Variants in EDAR observed in about 807,000 individuals in gnomAD.
EDAR encodes tumor necrosis factor receptor superfamily member EDAR.
EDAR carries 38 observed loss-of-function variants against 51.3 expected under a neutral mutation model. That is an observed-to-expected ratio of 0.74 (90% CI 0.57 to 0.97). The LOEUF (loss-of-function observed/expected upper bound fraction) is 0.97, where lower values mean the gene tolerates loss of function less well. Ranked by LOEUF, EDAR falls within the 50% of genes least tolerant of loss-of-function variation. EDAR has a pLI of 0.00. For missense variants in EDAR, 528 were observed against 595.0 expected (o/e 0.89, Z 1.17); for synonymous variants, 227 against 242.1 (o/e 0.94, Z 0.58).
At chr2:108,975,316 G>GTGTCTTCTA (rs1323523475) in intron 1 of EDAR, among the ~76,000 whole-genome samples, 2 of 152,228 alleles carry the variant, frequency 1.3e-5, no homozygotes, top group African/African-American at 4.8e-5. Context: ...GTTCCCACCC[G>GTGTCTTCTA]TGTCTTCTAT....
intron 11 of EDAR, among the ~76,000 whole-genome samples, chr2:108,902,899 C>T (rs1193641965): frequency 6.6e-6 from 1 of 151,982 alleles, no homozygotes; most frequent in Non-Finnish European, 1.5e-5. Context: ...AAGGTATAGC[C>T]AGTGCAATAA....
At chr2:108,965,113 C>CTG (rs58651047) in intron 1 of EDAR, among the ~76,000 whole-genome samples, 3 of 151,388 alleles carry the variant, frequency 2.0e-5, no homozygotes, top group Non-Finnish European at 2.9e-5. Flanking sequence ...ATGTGTGTGT[C>CTG]TGTGTGTGTG....
At chr2:108,980,512 A>T (rs1258719674) in intron 1 of EDAR, among the ~76,000 whole-genome samples, 1 of 152,140 alleles carries the variant, frequency 6.6e-6, no homozygotes, top group Admixed American at 6.5e-5. Context: ...TTATGTGTGT[A>T]TGTATATATT....
chr2:108,907,077 C>A (rs538328115), intron 10 of EDAR, among the ~76,000 whole-genome samples: 3 of 152,366 alleles, frequency 2.0e-5, no homozygotes, highest in African/African-American at 7.2e-5. Context: ...CTCTGGCCAC[C>A]TTTGCCCTCA....
At chr2:108,949,203 T>C (rs1697775310) in intron 1 of EDAR, among the ~76,000 whole-genome samples, 1 of 152,122 alleles carries the variant, frequency 6.6e-6, no homozygotes, top group Admixed American at 6.6e-5. Context: ...ACTGGTGGTG[T>C]ACTCCTGAGC....
At chr2:108,971,456 A>G (rs533400475) in intron 1 of EDAR, among the ~76,000 whole-genome samples, 65 of 152,242 alleles carry the variant, frequency 4.3e-4, no homozygotes, top group African/African-American at 1.6e-3. Flanking sequence ...GAGGACTCTC[A>G]ACCCTGCCCG....
chr2:108,972,449 G>A (rs761943298), intron 1 of EDAR, among the ~76,000 whole-genome samples: 36 of 152,214 alleles, frequency 2.4e-4, no homozygotes, highest in African/African-American at 7.0e-4. Context: ...TCATGCCAAC[G>A]TGCCAGACAC....
chr2:108,931,728 TC>T (rs1697370116), intron 1 of EDAR, among the ~76,000 whole-genome samples: 1 of 147,702 alleles, frequency 6.8e-6, no homozygotes, highest in Non-Finnish European at 1.5e-5. Context: ...GGTTTTTTTT[TC>T]TTTTTTTTTG....
At chr2:108,914,746 G>A (rs1050331278) in intron 5 of EDAR, among the ~76,000 whole-genome samples, 3 of 152,180 alleles carry the variant, frequency 2.0e-5, no homozygotes, top group Non-Finnish European at 4.4e-5. Context: ...TCCGTGAAGT[G>A]CACTTGGTCT....
chr2:108,915,829 G>A (rs1013459784), intron 5 of EDAR, among the ~76,000 whole-genome samples: 4 of 152,178 alleles, frequency 2.6e-5, no homozygotes, highest in East Asian at 1.9e-4. Flanking sequence ...CCCGGGAGGC[G>A]GAGGTTGCAG....
chr2:108,897,308 A>AAAT, intron 11 of EDAR, 79 bp from the exon 12 acceptor site: 2 of 1,360,836 alleles, frequency 1.5e-6, no homozygotes, highest in Non-Finnish European at 2.0e-6. Flanking sequence ...TATTTAAATG[A>AAAT]AATAAAAATT....
At chr2:108,951,311 A>G (rs751240438) in intron 1 of EDAR, among the ~76,000 whole-genome samples, 33 of 152,224 alleles carry the variant, frequency 2.2e-4, no homozygotes, top group Non-Finnish European at 4.4e-4. Context: ...CAGGTATTGA[A>G]GAAACTCTGA....
chr2:108,968,829 G>A (rs549631245), intron 1 of EDAR, among the ~76,000 whole-genome samples: 8 of 152,198 alleles, frequency 5.3e-5, no homozygotes, highest in Non-Finnish European at 8.8e-5. Context: ...CTCCAGGGGC[G>A]TGTACCTGAG....
intron 4 of EDAR, 126 bp downstream of exon 4, chr2:108,929,072 G>A (rs962931326): frequency 5.3e-6 from 6 of 1,128,960 alleles, no homozygotes; most frequent in Non-Finnish European, 7.8e-6. Context: ...TGGGACCAAG[G>A]CCAGGTGTGC....
intron 1 of EDAR, among the ~76,000 whole-genome samples, chr2:108,956,016 A>G (rs1697918575): frequency 6.6e-6 from 1 of 152,168 alleles, no homozygotes; most frequent in South Asian, 2.1e-4. Context: ...GCAACAGGGC[A>G]AGACTCTGTC....
chr2:108,901,975 C>T (rs1574365406), intron 11 of EDAR, among the ~76,000 whole-genome samples: 1 of 151,870 alleles, frequency 6.6e-6, no homozygotes, highest in Non-Finnish European at 1.5e-5. Context: ...CATGGTGGCT[C>T]AAGCCTGTAA....
At chr2:108,920,960 G>C (rs1697125119) in intron 5 of EDAR, among the ~76,000 whole-genome samples, 1 of 152,114 alleles carries the variant, frequency 6.6e-6, no homozygotes, top group African/African-American at 2.4e-5. Flanking sequence ...TGAAGTTCCA[G>C]AGCAGGCTCA....
chr2:108,941,003 G>A (rs1574394195), intron 1 of EDAR, among the ~76,000 whole-genome samples: 1 of 152,182 alleles, frequency 6.6e-6, no homozygotes, highest in African/African-American at 2.4e-5. Context: ...CATCTCTTGC[G>A]CCCTTGATCA....
At chr2:108,910,640 G>A (rs1370106897) in intron 8 of EDAR, 108 bp from the exon 9 acceptor site, 1 of 1,395,832 alleles carries the variant, frequency 7.2e-7, no homozygotes, top group African/African-American at 1.4e-5. Flanking sequence ...CGGTGTCTGT[G>A]TGGCACCACC....
Sources: gnomAD v4.1 joint callset for allele counts (sites outside exome capture counted in the v4.1 genomes callset) on GRCh38, gnomAD v4.1.1 for gene constraint, MANE v1.5 for transcripts, NCBI Gene and HGNC (gene_info 2026-07-23, HGNC 2026-07-21) for gene names.